Variants in UNC13B observed in about 807,000 individuals in gnomAD.
The protein encoded by UNC13B is protein unc-13 homolog B.
In UNC13B, 144 loss-of-function variants were observed where a neutral mutation model predicts 211.0. The observed-to-expected ratio is 0.68, with a 90% confidence interval of 0.60 to 0.78. UNC13B has a LOEUF of 0.78. Among genes scored for constraint, UNC13B ranks in the 30% least tolerant of loss-of-function variants. The probability of loss-of-function intolerance (pLI) is 0.00; values close to 1 mark genes in which losing one functional copy is unlikely to be tolerated. For synonymous variants in UNC13B, 709 were observed against 725.8 expected (o/e 0.98, Z 0.37); for missense variants, 1,777 against 2,002.0 (o/e 0.89, Z 2.14).
intron 11 of UNC13B, among the ~76,000 whole-genome samples, chr9:35,326,975 CAT>C (rs1307040953): frequency 6.6e-6 from 1 of 152,186 alleles, no homozygotes; most frequent in Non-Finnish European, 1.5e-5. Context: ...CCTTATCAAA[CAT>C]ATGATTTGCA....
chr9:35,232,869 T>C (rs1825292378), intron 3 of UNC13B, among the ~76,000 whole-genome samples: 1 of 152,020 alleles, frequency 6.6e-6, no homozygotes, highest in Non-Finnish European at 1.5e-5. Context: ...GAGTAGAAGC[T>C]GGAGAGTGGC....
chr9:35,310,618 G>A lies in UNC13B; in HGVS notation c.9160G>A (p.Asp3054Asn), dbSNP rs1330230230. The A allele has an allele frequency of 6.2e-7, 1 of 1,613,940 alleles. No homozygotes were observed. The highest frequency in any genetic ancestry group is 2.2e-5 in the East Asian group (1 of 44,870). Reference protein sequence around the residue: ...SCHSSHSLSRDGQAGFGEQEK... With the variant: ...SCHSSHSLSRNGQAGFGEQEK... Reference sequence around the variant, plus strand: ...CCACAGCTCTCACAGCCTGTCCAGAGATGGCCAAGCAGGTTTTGGAGAACA... The same window carrying A: ...CCACAGCTCTCACAGCCTGTCCAGAAATGGCCAAGCAGGTTTTGGAGAACA... Residue 3054 changes from aspartate to asparagine, a missense_variant, in exon 10 of 40, where the codon GAT (aspartate) becomes AAT (asparagine). Physicochemically the swap from Asp to Asn is conservative, Grantham distance 23. Transcript: ENST00000635942.
intron 7 of UNC13B, among the ~76,000 whole-genome samples, chr9:35,267,512 C>T (rs940066380): frequency 6.6e-6 from 1 of 152,178 alleles, no homozygotes; most frequent in African/African-American, 2.4e-5. Flanking sequence ...TATTCACATG[C>T]TGTGTCAGTA....
intron 1 of UNC13B, among the ~76,000 whole-genome samples, chr9:35,206,081 G>A (rs1358080378): frequency 6.6e-6 from 1 of 152,136 alleles, no homozygotes; most frequent in Non-Finnish European, 1.5e-5. Context: ...CTACTTGGAG[G>A]CTGGGAGGTA....
chr9:35,198,440 G>T (rs892446878), intron 1 of UNC13B, among the ~76,000 whole-genome samples: 2 of 152,208 alleles, frequency 1.3e-5, no homozygotes, highest in African/African-American at 4.8e-5. Flanking sequence ...ACAGCCTACA[G>T]AACTGTGGGC....
intron 11 of UNC13B, among the ~76,000 whole-genome samples, chr9:35,357,072 A>G (rs761847272): frequency 2.0e-5 from 3 of 152,196 alleles, no homozygotes; most frequent in Non-Finnish European, 2.9e-5. Context: ...CTATGGAACT[A>G]TATTTTCAAT....
chr9:35,227,310 T>A (rs1313182215), intron 1 of UNC13B, among the ~76,000 whole-genome samples: 1 of 152,250 alleles, frequency 6.6e-6, no homozygotes, highest in Non-Finnish European at 1.5e-5. Flanking sequence ...ACGTATACTC[T>A]TAAGCATCCT....
chr9:35,252,731 C>T (rs558890975), intron 6 of UNC13B, among the ~76,000 whole-genome samples: 47 of 152,138 alleles, frequency 3.1e-4, no homozygotes, highest in Admixed American at 1.3e-3. Context: ...GAGATCGAGA[C>T]CATCCTGGCT....
chr9:35,296,137 A>T (rs1829348211), intron 8 of UNC13B, among the ~76,000 whole-genome samples: 2 of 152,182 alleles, frequency 1.3e-5, no homozygotes, highest in Admixed American at 1.3e-4. Context: ...ATGTTTATAT[A>T]TTGCCATAAG....
At chr9:35,295,271 G>A (rs1829295163) in intron 7 of UNC13B, among the ~76,000 whole-genome samples, 1 of 151,948 alleles carries the variant, frequency 6.6e-6, no homozygotes, top group African/African-American at 2.4e-5. Context: ...AAAGTTTTGG[G>A]GTTTTTTTCC....
chr9:35,244,217 G>A (rs1169329694), intron 6 of UNC13B, among the ~76,000 whole-genome samples: 2 of 152,014 alleles, frequency 1.3e-5, no homozygotes, highest in Admixed American at 6.6e-5. Context: ...AGATAACCAG[G>A]AAAGATTAAT....
chr9:35,227,859 T>C, intron 1 of UNC13B, 156 bp from the exon 2 acceptor site: 1 of 552,980 alleles, frequency 1.8e-6, no homozygotes, highest in Non-Finnish European at 3.1e-6. Context: ...TCTTTGCCTT[T>C]CAAGTTTTGA....
chr9:35,243,404 A>G, intron 6 of UNC13B, 40 bp downstream of exon 6: 1 of 1,604,918 alleles, frequency 6.2e-7, no homozygotes, highest in Non-Finnish European at 8.5e-7. Context: ...AGATGGGGGA[A>G]AATCTCCAAT....
intron 6 of UNC13B, 111 bp from the exon 7 acceptor site, chr9:35,258,882 A>G: frequency 1.0e-6 from 1 of 999,256 alleles, no homozygotes; most frequent in Admixed American, 2.5e-5. Flanking sequence ...TTCAATAAAA[A>G]TTTTGTTTCC....
Position 35,300,295 on chromosome 9 carries a change from T to C in UNC13B, c.891T>C (p.Tyr297=). Residue 297 remains tyrosine (Y), a synonymous_variant, in exon 9 of 40, where the codon TAT becomes TAC. Coordinates refer to ENST00000635942, the MANE Select transcript of UNC13B (RefSeq NM_001371189.2). ...SETKTNYKST[Y]SNTENCTLCH... ...CTAAGACTAACTACAAAAGTACATATTCTAATACTGAAAATTGTACCCTTT... is the reference window on the plus strand; with the variant it reads ...CTAAGACTAACTACAAAAGTACATACTCTAATACTGAAAATTGTACCCTTT... 2.5e-6 allele frequency: 1 copy of C among 398,900 alleles called. No homozygotes were observed. The highest frequency in any genetic ancestry group is 4.4e-6 in the Non-Finnish European group (1 of 226,036). 24.7% of individuals were successfully genotyped at this position (398,900 alleles called of 1,614,324 possible). A position where few individuals can be genotyped will look rare whatever the true frequency, so the allele number is the denominator to read the frequency against.
chr9:35,175,309 G>A (rs1370983302), intron 1 of UNC13B, among the ~76,000 whole-genome samples: 2 of 152,200 alleles, frequency 1.3e-5, no homozygotes, highest in African/African-American at 4.8e-5. Context: ...GAAGTTGCAG[G>A]TATTTGGTAA....
intron 15 of UNC13B, among the ~76,000 whole-genome samples, chr9:35,376,781 C>G (rs1381271050): frequency 6.6e-6 from 1 of 152,170 alleles, no homozygotes; most frequent in Non-Finnish European, 1.5e-5. Context: ...CCCCCAGGGC[C>G]TTGGCTAAAT....
intron 1 of UNC13B, among the ~76,000 whole-genome samples, chr9:35,201,920 A>G (rs1220282913): frequency 6.6e-6 from 1 of 151,562 alleles, no homozygotes; most frequent in East Asian, 1.9e-4. Context: ...AGTTCTTTTC[A>G]TTGTGACGTT....
At chr9:35,273,551 C>G (rs1828010334) in intron 7 of UNC13B, among the ~76,000 whole-genome samples, 1 of 152,194 alleles carries the variant, frequency 6.6e-6, no homozygotes, top group Non-Finnish European at 1.5e-5. Flanking sequence ...AAACTGTTCA[C>G]TGCCACTCTA....
Sources: gnomAD v4.1 joint callset for allele counts (sites outside exome capture counted in the v4.1 genomes callset) on GRCh38, gnomAD v4.1.1 for gene constraint, MANE v1.5 for transcripts, NCBI Gene and HGNC (gene_info 2026-07-23, HGNC 2026-07-21) for gene names.